The following NKAIN3 variants were observed in gnomAD, a reference collection of about 807,000 sequenced individuals.
NKAIN3 encodes the protein sodium/potassium-transporting ATPase subunit beta-1-interacting protein 3.
In NKAIN3, 25 loss-of-function variants were observed where a neutral mutation model predicts 30.2. The ratio of observed to expected loss-of-function variants is 0.83; its 90% CI spans 0.60 to 1.16. NKAIN3 has a LOEUF of 1.16. NKAIN3 is among the 50% of genes most tolerant of loss of function. The probability of loss-of-function intolerance (pLI) is 0.00; values close to 1 mark genes in which losing one functional copy is unlikely to be tolerated. For missense variants in NKAIN3, 225 were observed against 254.1 expected, an observed-to-expected ratio of 0.89 and a Z score of 0.78; for synonymous variants, 91 against 89.6, an observed-to-expected ratio of 1.02 and a Z score of -0.09.
chr8:62,498,754 A>G (rs1036173674), intron 1 of NKAIN3, among the ~76,000 whole-genome samples: 15 of 151,088 alleles, frequency 9.9e-5, no homozygotes, highest in African/African-American at 3.6e-4. Context: ...GCTATATAGT[A>G]GGACTTGGGA....
intron 4 of NKAIN3, among the ~76,000 whole-genome samples, chr8:62,784,703 A>G (rs1563560012): frequency 6.6e-6 from 1 of 152,152 alleles, no homozygotes. Context: ...TTTTATACCA[A>G]TTCTTCACAA....
intron 1 of NKAIN3, among the ~76,000 whole-genome samples, chr8:62,371,155 T>C (rs1397787612): frequency 6.6e-6 from 1 of 151,912 alleles, no homozygotes; most frequent in Non-Finnish European, 1.5e-5. Flanking sequence ...TTAATACCCC[T>C]GCAAAGCCAA....
At chr8:62,573,895 C>A (rs1351802977) in intron 1 of NKAIN3, among the ~76,000 whole-genome samples, 1 of 152,118 alleles carries the variant, frequency 6.6e-6, no homozygotes, top group African/African-American at 2.4e-5. Flanking sequence ...TCTAATTATA[C>A]TTTTGTAGCT....
Position 62,975,113 on chromosome 8 carries a change from T to C in NKAIN3, c.*9706T>C, listed in dbSNP as rs1438736894. ...TAGATGTTCATCAGGGATATTGGCC[T>C]GAAATTTTCATTTTTTGTTGTGTCT... On this transcript the variant is annotated 3_prime_UTR_variant, in exon 7 of 7. Coordinates refer to ENST00000623646, the MANE Select transcript of NKAIN3 (RefSeq NM_001304533.3). Among the ~76,000 whole-genome samples, 2 of 152,220 alleles carry C rather than the reference T, an allele frequency of 1.3e-5. No individual in the cohort carries two copies. The highest frequency in any genetic ancestry group is 4.8e-5 in the African/African-American group (2 of 41,468).
intron 4 of NKAIN3, among the ~76,000 whole-genome samples, chr8:62,826,757 T>G (rs1819038046): frequency 6.6e-6 from 1 of 152,200 alleles, no homozygotes; most frequent in South Asian, 2.1e-4. Flanking sequence ...AATTATACAT[T>G]ATTTATTGGA....
chr8:62,593,283 C>A (rs1429929772), intron 3 of NKAIN3, among the ~76,000 whole-genome samples: 1 of 151,114 alleles, frequency 6.6e-6, no homozygotes, highest in Non-Finnish European at 1.5e-5. Flanking sequence ...TAATAATTCA[C>A]AAATCAAAGA....
chr8:62,612,736 A>G (rs992866630), intron 3 of NKAIN3, among the ~76,000 whole-genome samples: 2 of 151,724 alleles, frequency 1.3e-5, no homozygotes, highest in African/African-American at 4.8e-5. Flanking sequence ...CTCTGGTGAC[A>G]TGATTTAATT....
intron 4 of NKAIN3, among the ~76,000 whole-genome samples, chr8:62,815,314 C>T (rs534836653): frequency 1.5e-4 from 23 of 152,080 alleles, no homozygotes; most frequent in East Asian, 3.9e-4. Context: ...GGTACCATTC[C>T]TTCTGAAACT....
chr8:62,991,558 C>T (rs376645913), intron 5 of NKAIN3, among the ~76,000 whole-genome samples: 14 of 152,236 alleles, frequency 9.2e-5, no homozygotes, highest in East Asian at 7.7e-4. Flanking sequence ...GTCAATATGT[C>T]GGAAAAGGAA....
In NKAIN3 at chr8:62,355,867, A is replaced by T. The variant is rs146729292; in HGVS notation, c.54+106740A>T. On this transcript the variant is annotated intron_variant, in intron 1 of 6. Transcript: ENST00000623646. Reference sequence around the variant, plus strand: ...AATACAGCAGCTGTTGTTTCTGTGCATAAATTTTATCTTAAATATAAATAT... The same window carrying T: ...AATACAGCAGCTGTTGTTTCTGTGCTTAAATTTTATCTTAAATATAAATAT... Among the ~76,000 whole-genome samples, 1,209 of 152,300 alleles carry T rather than the reference A, an allele frequency of 7.9e-3. 21 individuals carry two copies. Among genetic ancestry groups the T allele is most frequent in the African/African-American group, 0.028 (1,155 of 41,566 alleles).
At chr8:62,852,521 C>G (rs180714790) in intron 4 of NKAIN3, among the ~76,000 whole-genome samples, 4 of 152,104 alleles carry the variant, frequency 2.6e-5, no homozygotes, top group African/African-American at 9.6e-5. Flanking sequence ...GCTCTTGCTT[C>G]TCTAGTTCTT....
intron 6 of NKAIN3, among the ~76,000 whole-genome samples, chr8:62,955,799 A>T (rs138362226): frequency 2.4e-4 from 37 of 152,282 alleles, no homozygotes; most frequent in Middle Eastern, 6.8e-3. Context: ...CCCAAAACAT[A>T]CTTTTAAGAT....
chr8:62,506,815 G>A (rs995916244), intron 1 of NKAIN3, among the ~76,000 whole-genome samples: 1 of 152,060 alleles, frequency 6.6e-6, no homozygotes, highest in African/African-American at 2.4e-5. Flanking sequence ...TTAAAAGAGG[G>A]TGTCTGAGGT....
At chr8:62,474,380 A>C (rs1325760183) in intron 1 of NKAIN3, 1 of 152,166 alleles carries the variant, frequency 6.6e-6, no homozygotes, top group African/African-American at 2.4e-5. Context: ...TGTCCAAAAG[A>C]AACCTGCAAA....
chr8:62,269,630 AT>A (rs1407548170), intron 1 of NKAIN3, among the ~76,000 whole-genome samples: 1 of 152,138 alleles, frequency 6.6e-6, no homozygotes, highest in Non-Finnish European at 1.5e-5. Context: ...AAATACGTAG[AT>A]TTTATTATCA....
chr8:62,487,617 T>A (rs564068402), intron 1 of NKAIN3, among the ~76,000 whole-genome samples: 40 of 152,310 alleles, frequency 2.6e-4, no homozygotes, highest in African/African-American at 8.9e-4. Context: ...TCTTTTAAAA[T>A]TGTATTTTTT....
At chr8:62,711,096 G>A (rs116436614) in intron 3 of NKAIN3, among the ~76,000 whole-genome samples, 4,166 of 152,168 alleles carry the variant, frequency 0.027, 201 homozygotes, top group African/African-American at 0.095. Context: ...GGTTCCTACC[G>A]AGAAATCTGC....
chr8:62,481,429 G>T (rs1405794177), intron 1 of NKAIN3, among the ~76,000 whole-genome samples: 1 of 151,962 alleles, frequency 6.6e-6, no homozygotes, highest in Non-Finnish European at 1.5e-5. Context: ...ATGTTCCTGT[G>T]CATAACTCTA....
At chr8:62,485,080 C>T (rs1806854596) in intron 1 of NKAIN3, among the ~76,000 whole-genome samples, 1 of 152,156 alleles carries the variant, frequency 6.6e-6, no homozygotes, top group Non-Finnish European at 1.5e-5. Flanking sequence ...GAGCCCTGCC[C>T]CTCTCAGGGG....
Sources: allele counts gnomAD v4.1 joint callset (sites outside exome capture counted in the v4.1 genomes callset), GRCh38; gene constraint gnomAD v4.1.1; transcripts MANE v1.5; gene names NCBI Gene and HGNC (gene_info 2026-07-23, HGNC 2026-07-21).